Variants in SLIT1 observed in about 807,000 individuals in gnomAD.
SLIT1 encodes slit homolog 1 protein.
SLIT1 carries 66 observed loss-of-function variants against 186.1 expected under a neutral mutation model. That is an observed-to-expected ratio of 0.35 (90% CI 0.29 to 0.44). The LOEUF (loss-of-function observed/expected upper bound fraction) is 0.44, where lower values mean the gene tolerates loss of function less well. Ranked by LOEUF, SLIT1 falls within the 20% of genes least tolerant of loss-of-function variation. The pLI is 1.00. For missense variants in SLIT1, 1,638 were observed against 2,037.4 expected, an observed-to-expected ratio of 0.80 and a Z score of 3.77; for synonymous variants, 761 against 833.8, an observed-to-expected ratio of 0.91 and a Z score of 1.50.
At chr10:97,085,006 C>T (rs965681230) in intron 4 of SLIT1, among the ~76,000 whole-genome samples, 10 of 148,654 alleles carry the variant, frequency 6.7e-5, no homozygotes, top group Non-Finnish European at 8.9e-5. Context: ...TCACTGCAAG[C>T]TCCACCTCCC....
chr10:97,081,580 G>T (rs1037809398), intron 4 of SLIT1, among the ~76,000 whole-genome samples: 1 of 152,220 alleles, frequency 6.6e-6, no homozygotes, highest in African/African-American at 2.4e-5. Flanking sequence ...GGGCTGGAGG[G>T]ATTGGAATAG....
At chr10:97,069,737 G>A (rs935554239) in intron 4 of SLIT1, among the ~76,000 whole-genome samples, 4 of 152,250 alleles carry the variant, frequency 2.6e-5, no homozygotes, top group East Asian at 3.9e-4. Flanking sequence ...ATGTGGTTTC[G>A]TATGACTGGT....
intron 4 of SLIT1, among the ~76,000 whole-genome samples, chr10:97,105,056 G>T (rs894465715): frequency 6.6e-6 from 1 of 152,082 alleles, no homozygotes; most frequent in Non-Finnish European, 1.5e-5. Flanking sequence ...CTCCTATTTG[G>T]CCCCCTCCAT....
In SLIT1 at chr10:97,063,516, G is replaced by A. The variant is rs1186378198; in HGVS notation, c.732C>T (p.Gly244=). 6.2e-7 allele frequency: 1 copy of A among 1,613,196 alleles called. No homozygotes were observed. The highest frequency in any genetic ancestry group is 1.7e-5 in the Admixed American group (1 of 60,002). ...PTIGLFTQCS[G]PASLRGLNVA... ...CATTGAGGCCACGCAGGCTGGCTGG[G>A]CCCGAGCACTGGGTGAAGAGCCCGA... Residue 244 remains glycine (G), a synonymous_variant, in exon 8 of 37, where the codon GGC becomes GGT. Transcript: ENST00000266058.
chr10:97,072,785 C>A (rs964159643), intron 4 of SLIT1, among the ~76,000 whole-genome samples: 1 of 152,188 alleles, frequency 6.6e-6, no homozygotes, highest in East Asian at 1.9e-4. Context: ...AGAGAAGGAC[C>A]AGGTTCAACT....
chr10:97,061,032 G>A (rs1328931547), intron 8 of SLIT1, among the ~76,000 whole-genome samples: 2 of 152,240 alleles, frequency 1.3e-5, no homozygotes, highest in African/African-American at 4.8e-5. Flanking sequence ...ACTGGTGTGT[G>A]ATTCATACAC....
chr10:97,129,737 C>T (rs1208825375), intron 4 of SLIT1, among the ~76,000 whole-genome samples: 3 of 152,182 alleles, frequency 2.0e-5, no homozygotes, highest in Admixed American at 6.5e-5. Flanking sequence ...TGTCTTCACT[C>T]CCTCATCCTG....
At chr10:97,054,225 T>C (rs996460081) in intron 13 of SLIT1, among the ~76,000 whole-genome samples, 2 of 151,702 alleles carry the variant, frequency 1.3e-5, no homozygotes, top group East Asian at 2.0e-4. Context: ...TCTGAGCTCA[T>C]GCAAGATCTG....
At chr10:97,024,227 A>G (rs896121506) in intron 25 of SLIT1, among the ~76,000 whole-genome samples, 1 of 152,196 alleles carries the variant, frequency 6.6e-6, no homozygotes, top group Non-Finnish European at 1.5e-5. Flanking sequence ...TTAAAGCAGC[A>G]GTGGCTCTGA....
At chr10:97,098,690 G>T (rs962133984) in intron 4 of SLIT1, among the ~76,000 whole-genome samples, 1 of 152,198 alleles carries the variant, frequency 6.6e-6, no homozygotes, top group Admixed American at 6.5e-5. Context: ...GCGGATCAGC[G>T]TGGTGTCTCA....
chr10:97,016,875 G>A (rs1344962259), intron 28 of SLIT1, among the ~76,000 whole-genome samples: 3 of 152,178 alleles, frequency 2.0e-5, no homozygotes, highest in Admixed American at 6.5e-5. Context: ...GTGGTTAACT[G>A]TTTTCCCTGA....
chr10:97,014,045 G>T lies in SLIT1; in HGVS notation c.3083C>A (p.Thr1028Asn), dbSNP rs372666493. The T allele has an allele frequency of 6.8e-6, 11 of 1,613,608 alleles. No homozygotes were observed. Among genetic ancestry groups the T allele is most frequent in the Non-Finnish European group, 9.3e-6 (11 of 1,179,990 alleles). ...CTCATACTGCAGGGGGCACTGGCAGGTGTAGTTGCCCACACCATCCACACA... is the reference window on the plus strand; with the variant it reads ...CTCATACTGCAGGGGGCACTGGCAGTTGTAGTTGCCCACACCATCCACACA... ...GVCVDGVGNY[T>N]CQCPLQYEGK... The change falls in exon 29 of 37, where the codon ACC becomes AAC. Residue 1028 changes from threonine to asparagine, a missense_variant. Physicochemically the swap from Thr to Asn is moderately conservative, Grantham distance 65. This residue lies in a region of SLIT1 where 1,245 missense variants were observed against 1,535.3 expected (regional missense o/e 0.81). Transcript: ENST00000266058.
In SLIT1 at chr10:97,134,881, C is replaced by T. The variant is rs569024070; in HGVS notation, c.413+22937G>A. ...CTTGGATGAACCTCCCTCCCAGCTA[C>T]TAACCCACTCACTGTGCAACCTGGG... On this transcript the variant is annotated intron_variant, in intron 4 of 36. Coordinates refer to ENST00000266058, the MANE Select transcript of SLIT1 (RefSeq NM_003061.3). Among the ~76,000 whole-genome samples the T allele has an allele frequency of 2.6e-5, 4 of 152,270 alleles. No individual in the cohort carries two copies. In the South Asian group the frequency reaches 8.3e-4, roughly 32 times the overall value.
At chr10:97,037,045 C>A (rs1387327771) in intron 22 of SLIT1, among the ~76,000 whole-genome samples, 1 of 139,012 alleles carries the variant, frequency 7.2e-6, no homozygotes, top group African/African-American at 2.7e-5. Context: ...AGAATAACCC[C>A]CTTTGTGTGT....
chr10:97,123,712 C>A (rs1481103241), intron 4 of SLIT1, among the ~76,000 whole-genome samples: 1 of 151,662 alleles, frequency 6.6e-6, no homozygotes, highest in Non-Finnish European at 1.5e-5. Context: ...ATCACTTGAA[C>A]CTCGGAGGCG....
intron 4 of SLIT1, among the ~76,000 whole-genome samples, chr10:97,103,920 A>G (rs1035148398): frequency 1.3e-5 from 2 of 152,082 alleles, no homozygotes; most frequent in Admixed American, 6.6e-5. Context: ...GGCAACTCCC[A>G]CGGCGGGAGT....
chr10:97,067,260 G>T (rs1848956646), intron 4 of SLIT1, among the ~76,000 whole-genome samples: 1 of 152,204 alleles, frequency 6.6e-6, no homozygotes, highest in Non-Finnish European at 1.5e-5. Flanking sequence ...CTCAGCCTCA[G>T]TGACTGCCAG....
chr10:97,166,979 G>A lies in SLIT1; in HGVS notation c.198-2089C>T, dbSNP rs57515720. Among the ~76,000 whole-genome samples the A allele has an allele frequency of 2.8e-3, 428 of 152,200 alleles. 2 individuals are homozygous for A. The highest frequency in any genetic ancestry group is 9.6e-3 in the African/African-American group (400 of 41,504). On this transcript the variant is annotated intron_variant, in intron 1 of 36. Coordinates refer to ENST00000266058, the MANE Select transcript of SLIT1 (RefSeq NM_003061.3). Reference sequence around the variant, plus strand: ...AGGTCAGGCTGTCTCAACATTCAACGCATCCTCCCGCTGTCTGTCCCGTGG... The same window carrying A: ...AGGTCAGGCTGTCTCAACATTCAACACATCCTCCCGCTGTCTGTCCCGTGG...
At position 97,133,272 on chromosome 10, in the gene SLIT1, G is replaced by A. The variant is rs371087139; in HGVS notation, c.413+24546C>T. Among the ~76,000 whole-genome samples, 110 of 152,358 alleles carry A rather than the reference G, an allele frequency of 7.2e-4. 2 individuals are homozygous for A. The South Asian group carries it at 0.022, about 31-fold the overall frequency. ...CCAGTCATAAAAAGATACACACTGG[G>A]CCAGGCGCGGTGGCTCACACCTATA... On this transcript the variant is annotated intron_variant, in intron 4 of 36. Coordinates refer to ENST00000266058, the MANE Select transcript of SLIT1 (RefSeq NM_003061.3).
Sources: allele counts gnomAD v4.1 joint callset (sites outside exome capture counted in the v4.1 genomes callset), GRCh38; gene constraint gnomAD v4.1.1; regional missense constraint gnomAD v4.1.1; transcripts MANE v1.5; gene names NCBI Gene and HGNC (gene_info 2026-07-23, HGNC 2026-07-21).